The following CECR2 variants were observed in gnomAD, a reference collection of about 807,000 sequenced individuals.
The protein encoded by CECR2 is chromatin remodeling regulator CECR2.
CECR2 carries 30 observed loss-of-function variants against 154.5 expected under a neutral mutation model. That is an observed-to-expected ratio of 0.19 (90% CI 0.15 to 0.26). The LOEUF is 0.26. CECR2 is among the 10% of genes least tolerant of loss of function. The probability of loss-of-function intolerance (pLI) is 1.00; values close to 1 mark genes in which losing one functional copy is unlikely to be tolerated. For missense variants in CECR2, 1,743 were observed against 1,829.3 expected, an observed-to-expected ratio of 0.95 and a Z score of 0.86; for synonymous variants, 725 against 683.7, an observed-to-expected ratio of 1.06 and a Z score of -0.94.
chr22:17,451,249 A>G (rs2054764849), intron 1 of CECR2, among the ~76,000 whole-genome samples: 1 of 152,242 alleles, frequency 6.6e-6, no homozygotes, highest in Non-Finnish European at 1.5e-5. Context: ...CAGCCATTAC[A>G]GGTAGATTTT....
chr22:17,367,725 G>A (rs1311657243), upstream of CECR2, among the ~76,000 whole-genome samples: 1 of 152,210 alleles, frequency 6.6e-6, no homozygotes, highest in Admixed American at 6.5e-5. Context: ...GTCAAACTGT[G>A]AGGAAATAAA....
At position 17,492,992 on chromosome 22, in the gene CECR2, GAC is replaced by G. The variant is rs534971950; in HGVS notation, c.222-4409_222-4408del. Among the ~76,000 whole-genome samples, 311 of 151,894 alleles carry G rather than the reference GAC, an allele frequency of 2.0e-3. 1 individual carries two copies. Among genetic ancestry groups the G allele is most frequent in the Non-Finnish European group, 3.6e-3 (246 of 67,962 alleles). ...ATATTTTATTTTATTTTATTTTTGA[GAC>G]AGAGTCTGGCTCTGTCGCCCAGGCT... On this transcript the variant is annotated intron_variant, in intron 2 of 18. Transcript: ENST00000262608.
chr22:17,532,531 C>G (rs1035499166), intron 9 of CECR2, among the ~76,000 whole-genome samples: 3 of 151,842 alleles, frequency 2.0e-5, no homozygotes, highest in African/African-American at 7.3e-5. Context: ...CAAGGATTTC[C>G]TCTATTGTTT....
At chr22:17,531,446 T>C (rs987437262) in intron 9 of CECR2, among the ~76,000 whole-genome samples, 2 of 152,104 alleles carry the variant, frequency 1.3e-5, no homozygotes, top group Non-Finnish European at 2.9e-5. Context: ...CTCCCTTTGG[T>C]AGAATATAAA....
chr22:17,548,959 A>G lies in CECR2; in HGVS notation c.3672A>G (p.Gly1224=), dbSNP rs764134470. 12 of 1,613,068 alleles carry G rather than the reference A, an allele frequency of 7.4e-6. No homozygotes were observed. The highest frequency in any genetic ancestry group is 1.3e-5 in the African/African-American group (1 of 74,792). ...TCCATCCCCAGGGAAGCCCAAGCGG[A>G]CCCCCAGCCAGTCAGCCTCCCCCAC... ...RPLHPQGSPS[G]PPASQPPPPR... Residue 1224 remains glycine (G), a synonymous_variant, in exon 17 of 19, where the codon GGA becomes GGG. Coordinates refer to ENST00000262608, the MANE Select transcript of CECR2 (RefSeq NM_001290047.2).
At chr22:17,378,715 T>G (rs532861064) in intron 1 of CECR2, among the ~76,000 whole-genome samples, 6 of 152,180 alleles carry the variant, frequency 3.9e-5, no homozygotes, top group Non-Finnish European at 8.8e-5. Context: ...TTGTCCTGCT[T>G]TTGAGAATCA....
chr22:17,523,558 C>T (rs1286371356), intron 8 of CECR2, among the ~76,000 whole-genome samples: 1 of 151,692 alleles, frequency 6.6e-6, no homozygotes, highest in Non-Finnish European at 1.5e-5. Context: ...AGATCAAGAC[C>T]ATCCTGGCTA....
At chr22:17,406,546 A>C (rs2053987663) in intron 1 of CECR2, among the ~76,000 whole-genome samples, 2 of 152,118 alleles carry the variant, frequency 1.3e-5, no homozygotes, top group African/African-American at 2.4e-5. Flanking sequence ...CCTCCCTCCA[A>C]AAAAAAGAAA....
chr22:17,484,358 T>C (rs116867681), intron 2 of CECR2, among the ~76,000 whole-genome samples: 8 of 152,186 alleles, frequency 5.3e-5, no homozygotes, highest in Non-Finnish European at 1.0e-4. Context: ...CACCTTGTAT[T>C]TTAGGCTCTG....
chr22:17,542,823 C>CAGCA lies in CECR2; in HGVS notation c.2680_2681insAGCA (p.Arg894GlnfsTer53). 1.2e-6 allele frequency: 2 copies of CAGCA among 1,613,848 alleles called. No homozygotes were observed. Among genetic ancestry groups the CAGCA allele is most frequent in the Non-Finnish European group, 1.7e-6 (2 of 1,179,812 alleles). On this transcript the variant is annotated frameshift_variant, in exon 16 of 19. Coordinates refer to ENST00000262608, the MANE Select transcript of CECR2 (RefSeq NM_001290047.2). LOFTEE classifies it high-confidence loss of function. ...GATTGCGATGCAGCAGCTCTCCTCC[C>CAGCA]GCGTCTGCCCCCCAGGTGTGCCTTA...
At chr22:17,510,775 G>T (rs920738399) in intron 7 of CECR2, among the ~76,000 whole-genome samples, 59 of 151,982 alleles carry the variant, frequency 3.9e-4, no homozygotes, top group African/African-American at 1.4e-3. Flanking sequence ...CTAATTTTTT[G>T]TGTGTGTGTT....
intron 1 of CECR2, among the ~76,000 whole-genome samples, chr22:17,428,712 G>A (rs907326092): frequency 2.6e-5 from 4 of 151,934 alleles, no homozygotes; most frequent in East Asian, 1.9e-4. Flanking sequence ...TCCTGGGCTC[G>A]AATGATCCTC....
rs1450707194 is a variant in CECR2, at chr22:17,436,606, C to T, written c.127-40982C>T. Among the ~76,000 whole-genome samples, 4 of 152,218 alleles carry T rather than the reference C, an allele frequency of 2.6e-5. No individual in the cohort carries two copies. In the South Asian group the frequency reaches 8.3e-4, roughly 32 times the overall value. On this transcript the variant is annotated intron_variant, in intron 1 of 18. Coordinates refer to ENST00000262608, the MANE Select transcript of CECR2 (RefSeq NM_001290047.2). The stretch of plus-strand genomic sequence containing the variant: ...TTTCTCAAGTTGAGCTGCCTCTGTT[C>T]CTACTTCTGAAATGCCTGTGCAATG...
chr22:17,496,026 A>C (rs2055621977), intron 2 of CECR2, among the ~76,000 whole-genome samples: 1 of 152,154 alleles, frequency 6.6e-6, no homozygotes, highest in African/African-American at 2.4e-5. Context: ...AATATATTTA[A>C]CACAATTATA....
intron 7 of CECR2, among the ~76,000 whole-genome samples, chr22:17,510,632 C>T (rs533905145): frequency 1.2e-4 from 18 of 152,168 alleles, no homozygotes; most frequent in East Asian, 7.7e-4. Flanking sequence ...GATGGAGTCT[C>T]GCTCTGTCGC....
At chr22:17,434,361 A>T (rs938944882) in intron 1 of CECR2, among the ~76,000 whole-genome samples, 4 of 152,130 alleles carry the variant, frequency 2.6e-5, no homozygotes, top group African/African-American at 9.7e-5. Flanking sequence ...TGTTTTCCAA[A>T]CTTGAGTGTT....
At chr22:17,417,019 CT>C (rs11306557) in intron 1 of CECR2, among the ~76,000 whole-genome samples, 61,259 of 142,000 alleles carry the variant, frequency 0.43, 12,679 homozygotes, top group African/African-American at 0.46. Context: ...TTGTCAGATT[CT>C]TTTTTTTTTT....
At chr22:17,399,236 G>C (rs190872841) in intron 1 of CECR2, among the ~76,000 whole-genome samples, 2 of 152,284 alleles carry the variant, frequency 1.3e-5, no homozygotes, top group African/African-American at 4.8e-5. Flanking sequence ...CCAAGTTTTA[G>C]CTTTTGGACC....
intron 1 of CECR2, among the ~76,000 whole-genome samples, chr22:17,378,215 C>A (rs1371904752): frequency 6.6e-6 from 1 of 150,470 alleles, no homozygotes; most frequent in Non-Finnish European, 1.5e-5. Context: ...GATCTCCTAA[C>A]CTTGTGATCC....
Sources: gnomAD v4.1 joint callset for allele counts (sites outside exome capture counted in the v4.1 genomes callset) on GRCh38, gnomAD v4.1.1 for gene constraint, MANE v1.5 for transcripts, NCBI Gene and HGNC (gene_info 2026-07-23, HGNC 2026-07-21) for gene names.